Variants in CHN2 observed in about 807,000 individuals in gnomAD.
CHN2 encodes the protein beta-chimaerin.
A neutral mutation model predicts 56.3 loss-of-function variants in CHN2; 35 were observed. The ratio of observed to expected loss-of-function variants is 0.62; its 90% confidence interval spans 0.47 to 0.82. The LOEUF is 0.82. Among genes scored for constraint, CHN2 ranks in the 40% least tolerant of loss-of-function variants. The probability of loss-of-function intolerance (pLI) is 0.00; values close to 1 mark genes in which losing one functional copy is unlikely to be tolerated. For synonymous variants in CHN2, 210 were observed against 212.8 expected, an observed-to-expected ratio of 0.99 and a Z score of 0.12; for missense variants, 491 against 580.5, an observed-to-expected ratio of 0.85 and a Z score of 1.58.
chr7:29,352,223 A>C (rs1342136615), intron 1 of CHN2, among the ~76,000 whole-genome samples: 1 of 152,140 alleles, frequency 6.6e-6, no homozygotes, highest in African/African-American at 2.4e-5. Context: ...TAGATACTGA[A>C]CTTGCTTGAC....
intron 1 of CHN2, among the ~76,000 whole-genome samples, chr7:29,342,408 C>T (rs1263663891): frequency 1.3e-5 from 2 of 152,186 alleles, no homozygotes; most frequent in Non-Finnish European, 2.9e-5. Flanking sequence ...CTACTTGACT[C>T]CGAATATACT....
At chr7:29,388,749 A>C (rs1229822489) in intron 3 of CHN2, among the ~76,000 whole-genome samples, 1 of 152,214 alleles carries the variant, frequency 6.6e-6, no homozygotes, top group Non-Finnish European at 1.5e-5. Context: ...TTATGGCCTC[A>C]TCTGGTTTGA....
chr7:29,228,994 T>C (rs2128799342), intron 1 of CHN2, among the ~76,000 whole-genome samples: 1 of 152,350 alleles, frequency 6.6e-6, no homozygotes, highest in African/African-American at 2.4e-5. Context: ...TTCTGGTCCA[T>C]GGATTCAGGG....
chr7:29,243,779 C>A (rs13224128), intron 1 of CHN2, among the ~76,000 whole-genome samples: 7 of 152,280 alleles, frequency 4.6e-5, no homozygotes, highest in Non-Finnish European at 1.0e-4. Flanking sequence ...TCGTTGTTAG[C>A]GTTCTTGCCA....
chr7:29,162,463 A>C (rs772761398), intron 2 of CHN2, among the ~76,000 whole-genome samples: 1 of 152,140 alleles, frequency 6.6e-6, no homozygotes, highest in Non-Finnish European at 1.5e-5. Flanking sequence ...GGAGTTCAAG[A>C]CCAGTCTGAC....
At chr7:29,334,768 AAAC>A (rs1369816731) in intron 1 of CHN2, among the ~76,000 whole-genome samples, 5 of 151,670 alleles carry the variant, frequency 3.3e-5, no homozygotes, top group African/African-American at 1.2e-4. Flanking sequence ...ACAAACAAAC[AAAC>A]AACAACAAAA....
chr7:29,224,077 A>C (rs1786005442), intron 1 of CHN2, among the ~76,000 whole-genome samples: 1 of 152,206 alleles, frequency 6.6e-6, no homozygotes, highest in Non-Finnish European at 1.5e-5. Flanking sequence ...CTGCAGGAGT[A>C]GCAGCAGCAA....
chr7:29,318,647 T>G (rs995625940), intron 1 of CHN2, among the ~76,000 whole-genome samples: 1 of 152,170 alleles, frequency 6.6e-6, no homozygotes, highest in Non-Finnish European at 1.5e-5. Context: ...TAACTTTTGC[T>G]GCAGTTATTT....
intron 6 of CHN2, among the ~76,000 whole-genome samples, chr7:29,441,385 C>T (rs1783637964): frequency 6.6e-6 from 1 of 152,200 alleles, no homozygotes; most frequent in South Asian, 2.1e-4. Flanking sequence ...AATGGCAAGT[C>T]TTCATCACCT....
At chr7:29,164,932 C>G (rs1371365474) in intron 2 of CHN2, among the ~76,000 whole-genome samples, 2 of 152,072 alleles carry the variant, frequency 1.3e-5, no homozygotes, top group African/African-American at 4.8e-5. Flanking sequence ...TAATACCACA[C>G]TGTCTTGATT....
chr7:29,270,890 T>G (rs911824907), intron 1 of CHN2, among the ~76,000 whole-genome samples: 2 of 152,054 alleles, frequency 1.3e-5, no homozygotes, highest in African/African-American at 2.4e-5. Flanking sequence ...GAATAGTGAT[T>G]TTGTAATATG....
chr7:29,302,029 G>T (rs759903310), intron 1 of CHN2, among the ~76,000 whole-genome samples: 1 of 152,208 alleles, frequency 6.6e-6, no homozygotes, highest in African/African-American at 2.4e-5. Context: ...GGCAAAGCCA[G>T]AGGAGCCCTA....
At chr7:29,284,518 C>T (rs1791993584) in intron 1 of CHN2, among the ~76,000 whole-genome samples, 2 of 152,198 alleles carry the variant, frequency 1.3e-5, no homozygotes, top group African/African-American at 2.4e-5. Context: ...GAAGGGGCCA[C>T]GTGGCCAGAA....
intron 7 of CHN2, among the ~76,000 whole-genome samples, chr7:29,494,293 T>G (rs1182452764): frequency 1.3e-5 from 2 of 151,926 alleles, no homozygotes; most frequent in African/African-American, 4.8e-5. Context: ...TTTTCTGGAG[T>G]TGCATTTTAC....
chr7:29,415,610 G>A (rs1237126141), intron 6 of CHN2, among the ~76,000 whole-genome samples: 1 of 152,218 alleles, frequency 6.6e-6, no homozygotes, highest in Non-Finnish European at 1.5e-5. Flanking sequence ...CTGCGAGGAG[G>A]GAGATGGCCA....
At chr7:29,227,586 C>G (rs1176676638) in intron 1 of CHN2, among the ~76,000 whole-genome samples, 2 of 152,178 alleles carry the variant, frequency 1.3e-5, no homozygotes, top group African/African-American at 4.8e-5. Flanking sequence ...GGCCATTGCT[C>G]TAGCTTTTGC....
chr7:29,252,347 C>A (rs2128820170), intron 1 of CHN2, among the ~76,000 whole-genome samples: 1 of 151,552 alleles, frequency 6.6e-6, no homozygotes, highest in Non-Finnish European at 1.5e-5. Context: ...CGCCACCATG[C>A]CCAGTGAATT....
upstream of CHN2, among the ~76,000 whole-genome samples, chr7:29,191,312 G>A (rs1388051649): frequency 6.6e-6 from 1 of 152,232 alleles, no homozygotes; most frequent in African/African-American, 2.4e-5. Flanking sequence ...TGCCCATTGA[G>A]AGGTACAGTA....
chr7:29,265,723 G>C (rs1329353613), intron 1 of CHN2, among the ~76,000 whole-genome samples: 1 of 152,162 alleles, frequency 6.6e-6, no homozygotes, highest in African/African-American at 2.4e-5. Context: ...ATGTAGGGAG[G>C]AGAATCCTTG....
Sources: allele counts gnomAD v4.1 joint callset (sites outside exome capture counted in the v4.1 genomes callset), GRCh38; gene constraint gnomAD v4.1.1; transcripts MANE v1.5; gene names NCBI Gene and HGNC (gene_info 2026-07-23, HGNC 2026-07-21).